Variants in RYR3 observed in about 807,000 individuals in gnomAD.
RYR3 encodes the protein ryanodine receptor 3.
RYR3 carries 207 observed loss-of-function variants against 584.3 expected under a neutral mutation model. That is an observed-to-expected ratio of 0.35 (90% CI 0.32 to 0.40). RYR3 has a LOEUF of 0.40. Among genes scored for constraint, RYR3 ranks in the 10% least tolerant of loss-of-function variants. RYR3 has a pLI of 1.00. For missense variants in RYR3, 5,616 were observed against 6,089.2 expected, an observed-to-expected ratio of 0.92 and a Z score of 2.59; for synonymous variants, 2,416 against 2,248.5, an observed-to-expected ratio of 1.07 and a Z score of -2.11.
Position 33,729,022 on chromosome 15 carries a change from A to T in RYR3, c.7199A>T (p.Asp2400Val). Residue 2400 changes from aspartate (D) to valine (V), a missense_variant, in exon 47 of 104, where the codon GAT (aspartate) becomes GTT (valine). By Grantham distance (152) the Asp-to-Val change is radical. This residue lies in a region of RYR3 where 1,280 missense variants were observed against 1,426.2 expected (regional missense o/e 0.90). Transcript: ENST00000634891. ...GACCTAAGAGCTTCTGCCTCTCTAGATACAGTAAGTTGCAAAAATAACAAA... is the reference window on the plus strand; with the variant it reads ...GACCTAAGAGCTTCTGCCTCTCTAGTTACAGTAAGTTGCAAAAATAACAAA... ...LPDLRASASL[D>V]TVSLSTTEAA... 1 of 1,611,636 alleles carries T rather than the reference A, an allele frequency of 6.2e-7. No homozygotes were observed. The highest frequency in any genetic ancestry group is 2.2e-5 in the East Asian group (1 of 44,886).
rs148690844 is a variant in RYR3 at position 33,597,230 on chromosome 15, G to T, written c.1789-4189G>T. On this transcript the variant is annotated intron_variant, in intron 16 of 103. Coordinates refer to ENST00000634891, the MANE Select transcript of RYR3 (RefSeq NM_001036.6). Reference sequence around the variant, plus strand: ...GGCAGGGATAAGTATGAAATTGCTTGATGAATAAATGCAAACAAAAATGTA... The same window carrying T: ...GGCAGGGATAAGTATGAAATTGCTTTATGAATAAATGCAAACAAAAATGTA... Among the ~76,000 whole-genome samples the T allele has an allele frequency of 9.3e-3, 1,413 of 152,258 alleles. 21 individuals carry two copies. Among genetic ancestry groups the T allele is most frequent in the African/African-American group, 0.032 (1,321 of 41,536 alleles).
rs977123910 is a variant in RYR3 at position 33,359,648 on chromosome 15, G to A, written c.51+48552G>A. ...TATTTATTTATTTTCAGACGGAGTC[G>A]CACTCTGTCACCCAGGCTGGAGTGC... On this transcript the variant is annotated intron_variant, in intron 1 of 103. Transcript: ENST00000634891. Among the ~76,000 whole-genome samples the A allele has an allele frequency of 3.3e-5, 5 of 149,394 alleles. No homozygotes were observed. The South Asian group carries it at 6.4e-4, about 19-fold the overall frequency.
chr15:33,611,763 A>G (rs776468784), intron 18 of RYR3, among the ~76,000 whole-genome samples: 1 of 151,938 alleles, frequency 6.6e-6, no homozygotes, highest in Non-Finnish European at 1.5e-5. Context: ...GGTTCAAGCT[A>G]TCTTTCCACC....
At chr15:33,588,992 C>G (rs913263992) in intron 16 of RYR3, among the ~76,000 whole-genome samples, 11 of 152,124 alleles carry the variant, frequency 7.2e-5, no homozygotes, top group African/African-American at 2.7e-4. Flanking sequence ...ATTGCTGGAT[C>G]AAAAATGGTA....
chr15:33,864,072 GTTAA>G, intron 102 of RYR3, 62 bp from the exon 103 acceptor site: 1 of 1,230,096 alleles, frequency 8.1e-7, no homozygotes. Flanking sequence ...CCTGATCACA[GTTAA>G]TCCATGCGAA....
chr15:33,795,713 T>C (rs1293285375), intron 67 of RYR3, among the ~76,000 whole-genome samples: 2 of 152,088 alleles, frequency 1.3e-5, no homozygotes, highest in East Asian at 1.9e-4. Flanking sequence ...GTATTTTTGG[T>C]AGAGACAGGG....
chr15:33,367,739 T>C (rs986382218), intron 1 of RYR3, among the ~76,000 whole-genome samples: 2 of 152,242 alleles, frequency 1.3e-5, no homozygotes, highest in African/African-American at 4.8e-5. Context: ...ATTTCTGAAC[T>C]GTTCGCATAT....
At chr15:33,757,091 G>T (rs1400946128) in intron 59 of RYR3, among the ~76,000 whole-genome samples, 2 of 152,214 alleles carry the variant, frequency 1.3e-5, no homozygotes, top group Non-Finnish European at 2.9e-5. Flanking sequence ...AGGCACAGAA[G>T]GGCTTGAGTC....
At chr15:33,835,127 T>C in intron 87 of RYR3, 55 bp downstream of exon 87, 1 of 1,319,702 alleles carries the variant, frequency 7.6e-7, no homozygotes, top group Non-Finnish European at 1.1e-6. Context: ...AAGTCAGTCC[T>C]CACTCCTTGG....
chr15:33,507,454 T>C (rs2052577239), intron 3 of RYR3, among the ~76,000 whole-genome samples: 1 of 152,212 alleles, frequency 6.6e-6, no homozygotes, highest in Admixed American at 6.5e-5. Context: ...TCTAATCCTA[T>C]GTAATTTTAT....
intron 57 of RYR3, among the ~76,000 whole-genome samples, chr15:33,751,404 C>T: frequency 6.6e-6 from 1 of 152,126 alleles, no homozygotes; most frequent in Non-Finnish European, 1.5e-5. Context: ...CTGTTGTTTC[C>T]TGACTTTTTA....
chr15:33,378,114 A>G (rs1453663081), intron 1 of RYR3, among the ~76,000 whole-genome samples: 1 of 152,200 alleles, frequency 6.6e-6, no homozygotes, highest in African/African-American at 2.4e-5. Context: ...CAGTATATAT[A>G]TGGTCCTTAG....
chr15:33,587,061 A>G (rs896383573), intron 16 of RYR3, among the ~76,000 whole-genome samples: 6 of 152,078 alleles, frequency 3.9e-5, no homozygotes, highest in Admixed American at 2.0e-4. Flanking sequence ...TGTGTCCGGG[A>G]GATTGAGACT....
chr15:33,504,593 A>G (rs1596398962), intron 3 of RYR3, among the ~76,000 whole-genome samples: 1 of 152,174 alleles, frequency 6.6e-6, no homozygotes, highest in Admixed American at 6.5e-5. Flanking sequence ...TCCAAAATGC[A>G]AATACAATTA....
chr15:33,456,552 A>T (rs2676087), intron 1 of RYR3, among the ~76,000 whole-genome samples: 92,719 of 151,984 alleles, frequency 0.61, 29,652 homozygotes, highest in African/African-American at 0.83. Context: ...GAGGTTTGGA[A>T]TCAGTGGCTC....
chr15:33,443,682 A>G (rs2046404130), intron 1 of RYR3, among the ~76,000 whole-genome samples: 1 of 152,172 alleles, frequency 6.6e-6, no homozygotes, highest in African/African-American at 2.4e-5. Flanking sequence ...GGGGCACCTG[A>G]GTCTGGAAAT....
intron 1 of RYR3, among the ~76,000 whole-genome samples, chr15:33,386,559 C>T (rs571663842): frequency 2.0e-5 from 3 of 152,302 alleles, no homozygotes; most frequent in South Asian, 2.1e-4. Context: ...AAAAAATCAT[C>T]GTAACCATTT....
chr15:33,725,365 G>A (rs903473435), intron 45 of RYR3, among the ~76,000 whole-genome samples: 2 of 152,064 alleles, frequency 1.3e-5, no homozygotes, highest in Non-Finnish European at 2.9e-5. Flanking sequence ...ACCAAGCATC[G>A]TATCTCAGCA....
At chr15:33,510,993 T>A (rs555790804) in intron 3 of RYR3, among the ~76,000 whole-genome samples, 1 of 152,208 alleles carries the variant, frequency 6.6e-6, no homozygotes, top group Non-Finnish European at 1.5e-5. Flanking sequence ...AAATATGCCA[T>A]CAGGAAGACC....
Sources: gnomAD v4.1 joint callset for allele counts (sites outside exome capture counted in the v4.1 genomes callset) on GRCh38, gnomAD v4.1.1 for gene constraint, gnomAD v4.1.1 regional missense constraint, MANE v1.5 for transcripts, NCBI Gene and HGNC (gene_info 2026-07-23, HGNC 2026-07-21) for gene names.